The following TMC2 variants were observed in gnomAD, a reference collection of about 807,000 sequenced individuals.
TMC2 encodes the protein transmembrane channel like 2, also known as transmembrane channel-like protein 2.
A neutral mutation model predicts 105.9 loss-of-function variants in TMC2; 102 were observed. The observed-to-expected ratio is 0.96, with a 90% CI of 0.82 to 1.14. The LOEUF (loss-of-function observed/expected upper bound fraction) is 1.14, where lower values mean the gene tolerates loss of function less well. Among genes scored for constraint, TMC2 ranks in the 50% most tolerant of loss-of-function variants. TMC2 has a pLI of 0.00. For missense variants in TMC2, 1,093 were observed against 1,134.3 expected (o/e 0.96, Z 0.52); for synonymous variants, 402 against 422.8 (o/e 0.95, Z 0.60).
chr20:2,642,896 G>A lies in TMC2; in HGVS notation c.*1545G>A, dbSNP rs2086698312. 6.6e-6 allele frequency among the ~76,000 whole-genome samples: 1 copy of A among 151,880 alleles called. No homozygotes were observed. Among genetic ancestry groups the A allele is most frequent in the Admixed American group, 6.6e-5 (1 of 15,262 alleles). ...GCCACCACCCAACCAGGCCCCCAGG[G>A]GTTCTCAGGAGAATCCCCCAGACTC... On this transcript the variant is annotated 3_prime_UTR_variant, in exon 20 of 20. Transcript: ENST00000358864.
At chr20:2,594,757 T>C in intron 8 of TMC2, 68 bp from the exon 9 acceptor site, 1 of 1,515,928 alleles carries the variant, frequency 6.6e-7, no homozygotes, top group South Asian at 1.2e-5. Flanking sequence ...CCTGGTAGAG[T>C]AGACATGTCT....
At chr20:2,637,644 A>C in intron 19 of TMC2, 53 bp downstream of exon 19, 1 of 1,251,882 alleles carries the variant, frequency 8.0e-7, no homozygotes, top group Non-Finnish European at 1.2e-6. Flanking sequence ...GGAAAGGTGT[A>C]AAGAGCCTAT....
chr20:2,549,333 G>A (rs2085943021), intron 2 of TMC2, among the ~76,000 whole-genome samples: 1 of 152,130 alleles, frequency 6.6e-6, no homozygotes, highest in South Asian at 2.1e-4. Flanking sequence ...TGGGATTATA[G>A]GCACGAGCCA....
intron 16 of TMC2, among the ~76,000 whole-genome samples, chr20:2,621,982 C>G (rs551371126): frequency 6.6e-6 from 1 of 152,104 alleles, no homozygotes; most frequent in Non-Finnish European, 1.5e-5. Context: ...AAGCCTAACA[C>G]GTAAACTTAA....
chr20:2,636,982 C>G (rs1296175768), intron 18 of TMC2, among the ~76,000 whole-genome samples: 1 of 152,182 alleles, frequency 6.6e-6, no homozygotes, highest in African/African-American at 2.4e-5. Flanking sequence ...TTGGAAAGAT[C>G]GCTGTCCTCT....
rs763256115 is a variant in TMC2 at position 2,641,149 on chromosome 20, C to T, written c.2519C>T (p.Ser840Phe). 3 of 1,614,202 alleles carry T rather than the reference C, an allele frequency of 1.9e-6. No homozygotes were observed. Among genetic ancestry groups the T allele is most frequent in the Non-Finnish European group, 1.7e-6 (2 of 1,180,038 alleles). The change falls in exon 20 of 20, where the codon TCT (serine) becomes TTT (phenylalanine). Residue 840 changes from serine (S) to phenylalanine (F), a missense_variant. Ser to Phe is a radical substitution (Grantham distance 155). Coordinates refer to ENST00000358864, the MANE Select transcript of TMC2 (RefSeq NM_080751.3). Reference sequence around the variant, plus strand: ...CGTTTTCCAGAGACCACTCCTCCCTCTGCCAGCCAAAGCCAGGCCATGGAC... The same window carrying T: ...CGTTTTCCAGAGACCACTCCTCCCTTTGCCAGCCAAAGCCAGGCCATGGAC... ...QLTKEETTPP[S>F]ASQSQAMDKK...
intron 7 of TMC2, among the ~76,000 whole-genome samples, chr20:2,581,435 T>C (rs2086188960): frequency 1.3e-5 from 2 of 152,232 alleles, no homozygotes; most frequent in South Asian, 4.1e-4. Context: ...AATATCACTC[T>C]CTGACCCAGA....
intron 17 of TMC2, among the ~76,000 whole-genome samples, chr20:2,634,380 T>A (rs2086626957): frequency 6.6e-6 from 1 of 152,226 alleles, no homozygotes. Flanking sequence ...GTTCATCTAT[T>A]CATGTAACAC....
chr20:2,540,920 G>A (rs1460043305), intron 2 of TMC2, among the ~76,000 whole-genome samples: 1 of 151,986 alleles, frequency 6.6e-6, no homozygotes, highest in Non-Finnish European at 1.5e-5. Flanking sequence ...AGCTCCCTGT[G>A]GGCGTGTACC....
intron 11 of TMC2, among the ~76,000 whole-genome samples, chr20:2,608,497 T>G (rs2086411301): frequency 6.6e-6 from 1 of 151,902 alleles, no homozygotes; most frequent in Admixed American, 6.6e-5. Context: ...CTGGCTAATT[T>G]TTGTATTTTT....
At chr20:2,606,891 C>CTTTTTTTTTTTTTTTT (rs11476357) in intron 11 of TMC2, among the ~76,000 whole-genome samples, 75 of 83,958 alleles carry the variant, frequency 8.9e-4, no homozygotes, top group East Asian at 1.4e-3. Context: ...TTTCTTTTTT[C>CTTTTTTTTTTTTTTTT]TTTTTTTTTT....
In TMC2 at chr20:2,558,656, T is replaced by C. The variant is rs1477112876; in HGVS notation, c.283T>C (p.Cys95Arg). The C allele has an allele frequency of 7.6e-6, 12 of 1,585,084 alleles. No individual in the cohort carries two copies. Among genetic ancestry groups the C allele is most frequent in the African/African-American group, 5.4e-5 (4 of 74,522 alleles). ...GGAGCGGGGCGAGGCAGAGAGGACC[T>C]GCGAGGGCAGGAGAAAGCGCGACGA... The part of the protein sequence containing the change: ...EQERGEAERT[C>R]EGRRKRDERA... Residue 95 changes from cysteine (C) to arginine (R), a missense_variant, in exon 3 of 20, where the codon TGC becomes CGC. Physicochemically the swap from Cys to Arg is radical, Grantham distance 180. Transcript: ENST00000358864. This position sits in a 1 kb window ranked among gnomAD's most constrained non-coding sequence, Gnocchi z 4.6.
At position 2,580,057 on chromosome 20, in the gene TMC2, G is replaced by T; in HGVS notation, c.834+1G>T. The T allele has an allele frequency of 6.3e-7, 1 of 1,594,672 alleles. No homozygotes were observed. Among genetic ancestry groups the T allele is most frequent in the Non-Finnish European group, 8.6e-7 (1 of 1,162,630 alleles). Reference sequence around the variant, plus strand: ...ATTTGGTCTAGTCATAATCCCAGAGGTAAGAAAAGAACTTCCTAAATCTTT... The same window carrying T: ...ATTTGGTCTAGTCATAATCCCAGAGTTAAGAAAAGAACTTCCTAAATCTTT... On this transcript the variant is annotated splice_donor_variant, in intron 7 of 19. Transcript: ENST00000358864. LOFTEE classifies it high-confidence loss of function.
chr20:2,607,285 G>C (rs149036826), intron 11 of TMC2, among the ~76,000 whole-genome samples: 1,703 of 152,228 alleles, frequency 0.011, 16 homozygotes, highest in Non-Finnish European at 0.016. Context: ...TGCTGGATGA[G>C]AGAGCTCCTG....
intron 7 of TMC2, among the ~76,000 whole-genome samples, chr20:2,590,552 T>C (rs1340624131): frequency 1.3e-5 from 2 of 152,002 alleles, no homozygotes; most frequent in Admixed American, 1.3e-4. Flanking sequence ...AGAAACAAAG[T>C]AATTTTATAT....
In TMC2 at chr20:2,638,290, G is replaced by A. The variant is rs182725485; in HGVS notation, c.2503+699G>A. 1.2e-3 allele frequency among the ~76,000 whole-genome samples: 185 copies of A among 151,396 alleles called. 1 individual carries two copies. The highest frequency in any genetic ancestry group is 9.6e-3 in the Admixed American group (146 of 15,200). On this transcript the variant is annotated intron_variant, in intron 19 of 19. Coordinates refer to ENST00000358864, the MANE Select transcript of TMC2 (RefSeq NM_080751.3). ...CGGGAGGCGGAGCTTGCAGTGAGCC[G>A]AGCTTGCAATGAGCTGAGATTGTGC...
At chr20:2,575,856 T>C (rs1836745532) in intron 5 of TMC2, among the ~76,000 whole-genome samples, 1 of 152,228 alleles carries the variant, frequency 6.6e-6, no homozygotes, top group African/African-American at 2.4e-5. Flanking sequence ...TTATTTTGTC[T>C]AATGTTTTTT....
At chr20:2,579,420 A>ATTTT (rs1370846296) in intron 6 of TMC2, among the ~76,000 whole-genome samples, 193 bp downstream of exon 6, 4 of 147,396 alleles carry the variant, frequency 2.7e-5, no homozygotes, top group Admixed American at 2.7e-4. Flanking sequence ...TTATTTATTT[A>ATTTT]TTTATTTTTA....
intron 14 of TMC2, chr20:2,613,585 A>G (rs891668944): frequency 9.2e-6 from 4 of 432,450 alleles, no homozygotes; most frequent in Non-Finnish European, 1.8e-5. Flanking sequence ...GGGAAAGTGG[A>G]CCACACACTC....
Sources: gnomAD v4.1 joint callset for allele counts (sites outside exome capture counted in the v4.1 genomes callset) on GRCh38, gnomAD v4.1.1 for gene constraint, Gnocchi (gnomAD v3.1) non-coding constraint, MANE v1.5 for transcripts, NCBI Gene and HGNC (gene_info 2026-07-23, HGNC 2026-07-21) for gene names.